Variants in SPOCK3 observed in about 807,000 individuals in gnomAD.
SPOCK3 encodes testican-3.
SPOCK3 carries 30 observed loss-of-function variants against 56.6 expected under a neutral mutation model. The observed-to-expected ratio is 0.53, with a 90% CI of 0.40 to 0.72. SPOCK3 has a LOEUF of 0.72. SPOCK3 is among the 30% of genes least tolerant of loss of function. SPOCK3 has a pLI of 0.00. For synonymous variants in SPOCK3, 196 were observed against 183.3 expected, an observed-to-expected ratio of 1.07 and a Z score of -0.56; for missense variants, 527 against 530.0, an observed-to-expected ratio of 0.99 and a Z score of 0.06.
At chr4:167,069,693 T>C (rs914804362) in intron 2 of SPOCK3, among the ~76,000 whole-genome samples, 1 of 151,930 alleles carries the variant, frequency 6.6e-6, no homozygotes, top group African/African-American at 2.4e-5. Context: ...AACAATCCCT[T>C]GTTCACAGGA....
chr4:167,153,755 T>C (rs563552126), intron 2 of SPOCK3, among the ~76,000 whole-genome samples: 2 of 152,332 alleles, frequency 1.3e-5, no homozygotes, highest in Non-Finnish European at 2.9e-5. Flanking sequence ...AGCGTTCAAA[T>C]GACACATAGC....
chr4:166,869,217 A>C lies in SPOCK3; in HGVS notation c.589+19913T>G, dbSNP rs566012096. Among the ~76,000 whole-genome samples the C allele has an allele frequency of 2.9e-5, 4 of 136,334 alleles. No homozygotes were observed. In the South Asian group the frequency reaches 8.7e-4, roughly 30 times the overall value. The allele number at this position is 136,334 out of a possible 152,430, so 89.4% of individuals were successfully genotyped here. On this transcript the variant is annotated intron_variant, in intron 6 of 10. Coordinates refer to ENST00000357545, the MANE Select transcript of SPOCK3 (RefSeq NM_001040159.2). ...AGGACAGTGCTGCTAATTTCACAAAATGTAAATTGCTGATATGTTGGTCTT... is the reference window on the plus strand; with the variant it reads ...AGGACAGTGCTGCTAATTTCACAAACTGTAAATTGCTGATATGTTGGTCTT...
intron 9 of SPOCK3, among the ~76,000 whole-genome samples, chr4:166,739,977 A>G (rs564880416): frequency 6.6e-6 from 1 of 152,184 alleles, no homozygotes; most frequent in South Asian, 2.1e-4. Flanking sequence ...AGAAAAAATA[A>G]GGAAAAAATT....
intron 3 of SPOCK3, among the ~76,000 whole-genome samples, chr4:167,043,039 T>C (rs1345923078): frequency 6.6e-6 from 1 of 152,128 alleles, no homozygotes; most frequent in Non-Finnish European, 1.5e-5. Flanking sequence ...TACAGTTTTC[T>C]CTTTTGCAGA....
chr4:166,944,330 C>T (rs1561037654), intron 4 of SPOCK3, among the ~76,000 whole-genome samples: 1 of 151,928 alleles, frequency 6.6e-6, no homozygotes, highest in Non-Finnish European at 1.5e-5. Flanking sequence ...AACGACATAT[C>T]TCCTCCATAA....
chr4:167,106,219 T>C lies in SPOCK3; in HGVS notation c.190-43682A>G, dbSNP rs953663505. Among the ~76,000 whole-genome samples, 39 of 152,042 alleles carry C rather than the reference T, an allele frequency of 2.6e-4. 1 individual carries two copies. Among genetic ancestry groups the C allele is most frequent in the African/African-American group, 8.9e-4 (37 of 41,554 alleles). ...ATGGATCATTCTCAAGAACAGACCA[T>C]GTTAGAATAACATGTTAAAATAACA... On this transcript the variant is annotated intron_variant, in intron 2 of 10. Transcript: ENST00000357545.
chr4:167,165,289 A>G (rs996908921), intron 2 of SPOCK3, among the ~76,000 whole-genome samples: 1 of 152,174 alleles, frequency 6.6e-6, no homozygotes, highest in Non-Finnish European at 1.5e-5. Flanking sequence ...ACAGAATGGG[A>G]GAAAATTTTT....
chr4:166,928,868 T>C (rs993586385), intron 4 of SPOCK3, among the ~76,000 whole-genome samples: 1 of 152,142 alleles, frequency 6.6e-6, no homozygotes. Context: ...CTCAGGAGAC[T>C]GAGGCAGGAG....
intron 7 of SPOCK3, among the ~76,000 whole-genome samples, chr4:166,768,618 C>G (rs1738472534): frequency 6.6e-6 from 1 of 152,164 alleles, no homozygotes; most frequent in Non-Finnish European, 1.5e-5. Context: ...CTGCCCTTAA[C>G]ATTTTTTCCT....
chr4:166,801,127 T>C (rs982791615), intron 6 of SPOCK3, among the ~76,000 whole-genome samples: 1 of 152,146 alleles, frequency 6.6e-6, no homozygotes, highest in East Asian at 1.9e-4. Flanking sequence ...AGCTACATCA[T>C]GTAGATTGAT....
At chr4:166,780,918 G>T (rs1740092554) in intron 7 of SPOCK3, among the ~76,000 whole-genome samples, 1 of 152,102 alleles carries the variant, frequency 6.6e-6, no homozygotes, top group African/African-American at 2.4e-5. Context: ...GGAGAAAAAG[G>T]CTGTGGCAAG....
At chr4:166,912,410 T>A (rs1022126856) in intron 5 of SPOCK3, among the ~76,000 whole-genome samples, 1 of 152,130 alleles carries the variant, frequency 6.6e-6, no homozygotes, top group Non-Finnish European at 1.5e-5. Context: ...TATCTGAGGG[T>A]TCATAGCTTT....
chr4:167,220,628 C>T lies in SPOCK3; in HGVS notation c.189+13357G>A, dbSNP rs200270247. On this transcript the variant is annotated intron_variant, in intron 2 of 10. Transcript: ENST00000357545. ...CTCAAACTCCTGGCCACAAGTCATC[C>T]TCCCACCTTGGCCTCTGGAAGTTCT... 1.1e-4 allele frequency among the ~76,000 whole-genome samples: 17 copies of T among 151,968 alleles called. No homozygotes were observed. In the East Asian group the frequency reaches 3.3e-3, roughly 29 times the overall value.
chr4:167,157,823 G>A (rs896877274), intron 2 of SPOCK3, among the ~76,000 whole-genome samples: 1 of 151,506 alleles, frequency 6.6e-6, no homozygotes, highest in Non-Finnish European at 1.5e-5. Context: ...CCCATCTTTG[G>A]AAATCTGCCA....
At position 167,055,062 on chromosome 4, in the gene SPOCK3, A is replaced by G. The variant is rs144180235; in HGVS notation, c.235+7430T>C. Among the ~76,000 whole-genome samples, 48 of 152,322 alleles carry G rather than the reference A, an allele frequency of 3.2e-4. No individual in the cohort carries two copies. The East Asian group carries it at 9.1e-3, about 29-fold the overall frequency. On this transcript the variant is annotated intron_variant, in intron 3 of 10. Coordinates refer to ENST00000357545, the MANE Select transcript of SPOCK3 (RefSeq NM_001040159.2). The stretch of plus-strand genomic sequence containing the variant: ...AAGTAAAAGATAACTTTAAATGGAT[A>G]TATTAATAGTTAAAACAATATAAAT...
At chr4:167,033,469 T>C (rs1003036750) in intron 3 of SPOCK3, among the ~76,000 whole-genome samples, 1 of 151,460 alleles carries the variant, frequency 6.6e-6, no homozygotes, top group Non-Finnish European at 1.5e-5. Context: ...TTCATTGATC[T>C]TGTTTACTTC....
At chr4:166,949,561 C>T (rs1742252493) in intron 4 of SPOCK3, among the ~76,000 whole-genome samples, 1 of 152,132 alleles carries the variant, frequency 6.6e-6, no homozygotes, top group South Asian at 2.1e-4. Flanking sequence ...TTCTAACAGA[C>T]AGGACCCTTA....
chr4:167,047,378 C>G (rs1753826782), intron 3 of SPOCK3, among the ~76,000 whole-genome samples: 1 of 152,094 alleles, frequency 6.6e-6, no homozygotes, highest in Non-Finnish European at 1.5e-5. Flanking sequence ...TTCTAACAAC[C>G]TGATGAGGCT....
intron 2 of SPOCK3, among the ~76,000 whole-genome samples, chr4:167,227,511 G>A (rs1254408205): frequency 2.6e-5 from 4 of 152,044 alleles, no homozygotes; most frequent in Admixed American, 1.3e-4. Flanking sequence ...GGTAATGCTA[G>A]GTGAGTTGTA....
Sources: gnomAD v4.1 joint callset for allele counts (sites outside exome capture counted in the v4.1 genomes callset) on GRCh38, gnomAD v4.1.1 for gene constraint, MANE v1.5 for transcripts, NCBI Gene and HGNC (gene_info 2026-07-23, HGNC 2026-07-21) for gene names.